The following TCF12 variants were observed in gnomAD, a reference collection of about 807,000 sequenced individuals.
TCF12 encodes the protein transcription factor 12, also known as DNA-binding protein HTF4.
TCF12 carries 45 observed loss-of-function variants against 86.0 expected under a neutral mutation model. The ratio of observed to expected loss-of-function variants is 0.52; its 90% CI spans 0.41 to 0.67. TCF12 has a LOEUF of 0.67. TCF12 is among the 30% of genes least tolerant of loss of function. The probability of loss-of-function intolerance (pLI) is 0.00; values close to 1 mark genes in which losing one functional copy is unlikely to be tolerated. For synonymous variants in TCF12, 330 were observed against 299.6 expected (o/e 1.10, Z -1.05); for missense variants, 881 against 859.9 (o/e 1.02, Z -0.31).
intron 3 of TCF12, among the ~76,000 whole-genome samples, chr15:57,059,474 T>A (rs575351859): frequency 4.6e-5 from 7 of 152,282 alleles, no homozygotes; most frequent in African/African-American, 1.7e-4. Context: ...CACTACTAAC[T>A]GAAAATATTT....
chr15:57,130,345 ATT>A (rs199790870), intron 5 of TCF12, among the ~76,000 whole-genome samples: 1 of 151,120 alleles, frequency 6.6e-6, no homozygotes, highest in Non-Finnish European at 1.5e-5. Flanking sequence ...GACCATTTTG[ATT>A]TTTTTTTTGT....
chr15:56,979,040 G>C (rs549712965), intron 3 of TCF12, among the ~76,000 whole-genome samples: 1 of 152,292 alleles, frequency 6.6e-6, no homozygotes, highest in African/African-American at 2.4e-5. Context: ...GAGTTATTTA[G>C]TCTGTTAATT....
chr15:57,129,139 A>T (rs1218769189), intron 5 of TCF12, among the ~76,000 whole-genome samples: 1 of 152,212 alleles, frequency 6.6e-6, no homozygotes, highest in African/African-American at 2.4e-5. Flanking sequence ...ACCATTTTAC[A>T]ATCCCATCAG....
intron 5 of TCF12, among the ~76,000 whole-genome samples, chr15:57,096,320 C>G (rs1271592985): frequency 1.3e-5 from 2 of 151,866 alleles, no homozygotes; most frequent in African/African-American, 2.4e-5. Context: ...GCACAGAAGG[C>G]TTTTTGTAAA....
At chr15:57,224,581 C>A (rs118033292) in intron 8 of TCF12, among the ~76,000 whole-genome samples, 283 of 152,124 alleles carry the variant, frequency 1.9e-3, no homozygotes, top group Non-Finnish European at 3.0e-3. Flanking sequence ...TTTTAAAATG[C>A]TTTGTATGAA....
At chr15:57,123,305 T>C (rs1200640204) in intron 5 of TCF12, among the ~76,000 whole-genome samples, 1 of 152,220 alleles carries the variant, frequency 6.6e-6, no homozygotes, top group Non-Finnish European at 1.5e-5. Flanking sequence ...ATGAGCTTTA[T>C]TTTGAAGCTG....
chr15:57,094,738 A>G (rs915871616), intron 5 of TCF12, among the ~76,000 whole-genome samples: 5 of 152,202 alleles, frequency 3.3e-5, no homozygotes, highest in Non-Finnish European at 7.4e-5. Flanking sequence ...ACTAATAGGA[A>G]AGCAGTAACA....
chr15:56,986,767 T>C (rs1237992665), intron 3 of TCF12, among the ~76,000 whole-genome samples: 1 of 152,178 alleles, frequency 6.6e-6, no homozygotes, highest in Non-Finnish European at 1.5e-5. Flanking sequence ...TAGCCCAAAA[T>C]GAATGACAAA....
Position 57,286,325 on chromosome 15 carries a change from C to A in TCF12, c.*180C>A. Reference sequence around the variant, plus strand: ...CGATCAAAGCAACTGGTCAACACTTCCATCAGAAGTGAAGATAGGAAGCTC... The same window carrying A: ...CGATCAAAGCAACTGGTCAACACTTACATCAGAAGTGAAGATAGGAAGCTC... On this transcript the variant is annotated 3_prime_UTR_variant, in exon 21 of 21. Transcript: ENST00000333725. 4.9e-6 allele frequency: 1 copy of A among 203,240 alleles called. No homozygotes were observed. Among genetic ancestry groups the A allele is most frequent in the Non-Finnish European group, 1.0e-5 (1 of 97,948 alleles). 12.6% of individuals were successfully genotyped at this position (203,240 alleles called of 1,614,324 possible).
intron 8 of TCF12, among the ~76,000 whole-genome samples, chr15:57,215,027 C>G (rs916693848): frequency 6.6e-6 from 1 of 152,056 alleles, no homozygotes; most frequent in African/African-American, 2.4e-5. Context: ...GAAAATGATG[C>G]ATTATTTCAC....
downstream of TCF12, among the ~76,000 whole-genome samples, chr15:57,290,102 T>G (rs1021055483): frequency 6.6e-6 from 1 of 151,864 alleles, no homozygotes; most frequent in Admixed American, 6.6e-5. Context: ...CTCAGCACTT[T>G]GGGAGGCCAA....
At chr15:57,047,254 A>G (rs1444877575) in intron 3 of TCF12, among the ~76,000 whole-genome samples, 2 of 152,244 alleles carry the variant, frequency 1.3e-5, no homozygotes, top group African/African-American at 2.4e-5. Flanking sequence ...TTAGTAGTAC[A>G]AACAAGTTAC....
intron 5 of TCF12, among the ~76,000 whole-genome samples, chr15:57,098,276 G>A (rs2703585): frequency 0.012 from 1,753 of 152,194 alleles, 38 homozygotes; most frequent in African/African-American, 0.04. Context: ...TTTCCACTAC[G>A]TTGCTTTTTT....
chr15:57,161,617 G>A (rs2054509918), intron 5 of TCF12, among the ~76,000 whole-genome samples: 1 of 152,154 alleles, frequency 6.6e-6, no homozygotes. Context: ...TTAACCTGGA[G>A]TCCAGAGAAT....
intron 3 of TCF12, among the ~76,000 whole-genome samples, chr15:56,948,957 G>C (rs2061141138): frequency 6.6e-6 from 1 of 151,894 alleles, no homozygotes; most frequent in Non-Finnish European, 1.5e-5. Flanking sequence ...TGAGTTTCTG[G>C]CATGATTTCT....
chr15:56,976,026 G>A (rs2062576713), intron 3 of TCF12, among the ~76,000 whole-genome samples: 1 of 151,884 alleles, frequency 6.6e-6, no homozygotes, highest in African/African-American at 2.4e-5. Flanking sequence ...GCAATGGATT[G>A]AGCCACACCG....
intron 4 of TCF12, among the ~76,000 whole-genome samples, chr15:57,086,935 G>GA (rs1446287866): frequency 2.6e-5 from 4 of 151,906 alleles, no homozygotes; most frequent in Non-Finnish European, 5.9e-5. Flanking sequence ...TTAGCCAAAA[G>GA]AAAAAATTCT....
intron 6 of TCF12, among the ~76,000 whole-genome samples, chr15:57,181,622 C>A (rs1369938218): frequency 6.6e-6 from 1 of 152,118 alleles, no homozygotes; most frequent in Admixed American, 6.5e-5. Context: ...ATTATCACCA[C>A]CAAAGCTTAC....
At chr15:57,238,932 T>G (rs191293565) in intron 12 of TCF12, among the ~76,000 whole-genome samples, 134 of 152,326 alleles carry the variant, frequency 8.8e-4, no homozygotes, top group African/African-American at 3.2e-3. Flanking sequence ...GAAGTGACAT[T>G]GGAACTGAGC....
Sources: gnomAD v4.1 joint callset for allele counts (sites outside exome capture counted in the v4.1 genomes callset) on GRCh38, gnomAD v4.1.1 for gene constraint, MANE v1.5 for transcripts, NCBI Gene and HGNC (gene_info 2026-07-23, HGNC 2026-07-21) for gene names.